GSE1: variants seen among roughly 807,000 people sequenced by gnomAD.
GSE1 encodes genetic suppressor element 1.
In GSE1, 32 loss-of-function variants were observed where a neutral mutation model predicts 112.6. That is an observed-to-expected ratio of 0.28 (90% CI 0.21 to 0.38). The LOEUF is 0.38. Ranked by LOEUF, GSE1 falls within the 10% of genes least tolerant of loss-of-function variation. The pLI is 1.00. For missense variants in GSE1, 2,348 were observed against 1,699.2 expected (o/e 1.38, Z -6.71); for synonymous variants, 1,115 against 735.6 (o/e 1.52, Z -8.35).
chr16:85,221,835 C>A (rs2075398843), intron 1 of GSE1, among the ~76,000 whole-genome samples: 1 of 152,174 alleles, frequency 6.6e-6, no homozygotes, highest in Non-Finnish European at 1.5e-5. Context: ...GGGCTGGGGG[C>A]CAGAGCCCAC....
At chr16:85,621,371 C>T (rs1337876444) in intron 1 of GSE1, among the ~76,000 whole-genome samples, 3 of 152,234 alleles carry the variant, frequency 2.0e-5, no homozygotes, top group Non-Finnish European at 2.9e-5. Flanking sequence ...CACCGCCCCC[C>T]GTGCTGGGGT....
chr16:85,560,048 T>C (rs1213455630), intron 1 of GSE1, among the ~76,000 whole-genome samples: 1 of 152,120 alleles, frequency 6.6e-6, no homozygotes, highest in African/African-American at 2.4e-5. Context: ...ATAATAATAA[T>C]TCTTATTTTG....
chr16:85,593,099 C>T (rs182822365), intron 1 of GSE1: 1 of 152,448 alleles, frequency 6.6e-6, no homozygotes, highest in African/African-American at 2.4e-5. Flanking sequence ...AGCCCAGAGA[C>T]CACAAGCAAA....
chr16:85,384,016 C>T (rs1004259252), intron 2 of GSE1, among the ~76,000 whole-genome samples: 1 of 152,254 alleles, frequency 6.6e-6, no homozygotes, highest in Admixed American at 6.5e-5. Flanking sequence ...CTCCAGAATC[C>T]AGTTCAGGCC....
intron 2 of GSE1, among the ~76,000 whole-genome samples, chr16:85,466,775 G>C (rs2050136954): frequency 6.6e-6 from 1 of 152,094 alleles, no homozygotes; most frequent in Non-Finnish European, 1.5e-5. Flanking sequence ...AAGGGAGGAA[G>C]ATGGCTGAAC....
chr16:85,300,971 G>A (rs909356097), intron 1 of GSE1, among the ~76,000 whole-genome samples: 2 of 152,288 alleles, frequency 1.3e-5, no homozygotes, highest in African/African-American at 4.8e-5. Context: ...ATGCAGTGGG[G>A]GTGTGGGATG....
chr16:85,445,524 C>T (rs1460036503), intron 2 of GSE1, among the ~76,000 whole-genome samples: 8 of 152,250 alleles, frequency 5.3e-5, no homozygotes, highest in Non-Finnish European at 1.0e-4. Context: ...CGGCTGGCAG[C>T]GATCTGCTGA....
chr16:85,665,833 G>C lies in GSE1; in HGVS notation c.2759-143G>C, dbSNP rs116807362. On this transcript the variant is annotated intron_variant, in intron 12 of 15. Coordinates refer to ENST00000253458, the MANE Select transcript of GSE1 (RefSeq NM_014615.5). ...TTCAGAGAATAGCCATGTGCGCGGC[G>C]GTTACTTAAATGTTCCCCGGGTCTT... The C allele has an allele frequency of 8.4e-6, 6 of 716,326 alleles. No individual in the cohort carries two copies. In the South Asian group the frequency reaches 1.0e-4, roughly 12 times the overall value. The allele number at this position is 716,326 out of a possible 1,614,324, so 44.4% of individuals were successfully genotyped here.
At chr16:85,194,791 G>C (rs1465092747) in intron 1 of GSE1, among the ~76,000 whole-genome samples, 4 of 152,150 alleles carry the variant, frequency 2.6e-5, no homozygotes, top group Admixed American at 6.5e-5. Flanking sequence ...TCCAGGGTGC[G>C]AATCTGAAGT....
intron 2 of GSE1, among the ~76,000 whole-genome samples, chr16:85,456,578 CCG>C (rs1491541156): frequency 4.4e-5 from 3 of 67,662 alleles, no homozygotes; most frequent in African/African-American, 1.8e-4. Flanking sequence ...CATTTTCCTG[CCG>C]TGTGTGTGTG....
intron 2 of GSE1, among the ~76,000 whole-genome samples, chr16:85,508,528 A>G (rs2051619573): frequency 6.6e-6 from 1 of 152,124 alleles, no homozygotes; most frequent in African/African-American, 2.4e-5. Context: ...TGCATGGGTG[A>G]GAGGTGGTTG....
intron 2 of GSE1, among the ~76,000 whole-genome samples, chr16:85,495,033 T>C (rs1246752435): frequency 6.6e-6 from 1 of 152,234 alleles, no homozygotes; most frequent in Non-Finnish European, 1.5e-5. Context: ...CCCAGGAGTT[T>C]CTAGGTCAGG....
intron 1 of GSE1, among the ~76,000 whole-genome samples, chr16:85,272,055 C>T (rs1029956216): frequency 2.6e-5 from 4 of 152,186 alleles, no homozygotes; most frequent in Admixed American, 6.5e-5. Context: ...GGCATGGTGC[C>T]GCCAGCCTGA....
intron 1 of GSE1, among the ~76,000 whole-genome samples, chr16:85,190,999 C>T (rs574805471): frequency 1.0e-3 from 152 of 152,332 alleles, no homozygotes; most frequent in Non-Finnish European, 1.8e-3. Flanking sequence ...TTGCTCATGC[C>T]TGTAATCCCA....
intron 2 of GSE1, among the ~76,000 whole-genome samples, chr16:85,648,079 C>T (rs977428301): frequency 6.7e-6 from 1 of 149,766 alleles, no homozygotes; most frequent in East Asian, 2.0e-4. Context: ...GGGTGTGTGG[C>T]CCAGCTGGCC....
chr16:85,203,449 C>T (rs1180312463), intron 1 of GSE1, among the ~76,000 whole-genome samples: 6 of 152,156 alleles, frequency 3.9e-5, no homozygotes, highest in Non-Finnish European at 8.8e-5. Flanking sequence ...CACGGCCTGC[C>T]CCTGTGGCCC....
In GSE1 at chr16:85,197,302, A is replaced by G. The variant is rs552853365; in HGVS notation, c.2283+25495A>G. Among the ~76,000 whole-genome samples, 28 of 152,226 alleles carry G rather than the reference A, an allele frequency of 1.8e-4. No individual in the cohort carries two copies. The South Asian group carries it at 5.4e-3, about 29-fold the overall frequency. On this transcript the variant is annotated intron_variant, in intron 1 of 2. Coordinates refer to the GSE1 transcript ENST00000637419. ...AGAGGGGCGGGAAGGGAGTCTTCCC[A>G]ATGCCTGGGAAAGGGAGAGATGAGG...
At chr16:85,416,525 C>T (rs12921982) in intron 2 of GSE1, among the ~76,000 whole-genome samples, 50,519 of 152,056 alleles carry the variant, frequency 0.33, 8,877 homozygotes, top group Middle Eastern at 0.4. Context: ...ACGTGGGATG[C>T]GGTGTGCCCA....
intron 1 of GSE1, chr16:85,592,160 G>GTT (rs1432520520): frequency 7.1e-4 from 107 of 151,360 alleles, no homozygotes; most frequent in African/African-American, 2.5e-3. Context: ...TTTTTTGTTT[G>GTT]TTTGTTTTTG....
Sources: allele counts gnomAD v4.1 joint callset (sites outside exome capture counted in the v4.1 genomes callset), GRCh38; gene constraint gnomAD v4.1.1; transcripts MANE v1.5; gene names NCBI Gene and HGNC (gene_info 2026-07-23, HGNC 2026-07-21).